The following ATRNL1 variants were observed in gnomAD, a reference collection of about 807,000 sequenced individuals.
The protein encoded by ATRNL1 is attractin like 1.
Under a neutral mutation model 182.7 loss-of-function variants are expected in ATRNL1, and 95 were observed. The observed-to-expected ratio is 0.52, with a 90% CI of 0.44 to 0.62. ATRNL1 has a LOEUF of 0.62. Ranked by LOEUF, ATRNL1 falls within the 20% of genes least tolerant of loss-of-function variation. ATRNL1 has a pLI of 0.00. For missense variants in ATRNL1, 1,471 were observed against 1,679.5 expected, an observed-to-expected ratio of 0.88 and a Z score of 2.17; for synonymous variants, 576 against 568.3, an observed-to-expected ratio of 1.01 and a Z score of -0.19.
intron 19 of ATRNL1, among the ~76,000 whole-genome samples, chr10:115,388,737 T>C (rs1843807058): frequency 1.3e-5 from 2 of 152,058 alleles, no homozygotes; most frequent in Admixed American, 6.6e-5. Context: ...AATTAAAAAA[T>C]AATATTTACA....
At chr10:115,845,321 A>C (rs1174012101) in intron 27 of ATRNL1, among the ~76,000 whole-genome samples, 1 of 152,048 alleles carries the variant, frequency 6.6e-6, no homozygotes, top group East Asian at 1.9e-4. Context: ...TAAGAATGAA[A>C]GAGTAATTTT....
intron 26 of ATRNL1, among the ~76,000 whole-genome samples, chr10:115,646,944 TCCCC>T (rs1174461890): frequency 9.5e-5 from 2 of 21,152 alleles, no homozygotes; most frequent in Admixed American, 9.7e-4. Context: ...CCCTCCCCCC[TCCCC>T]CCCTCCCCCC....
In ATRNL1 at chr10:115,112,785, C is replaced by G. The variant is rs782244623; in HGVS notation, c.294-7400C>G. 7.9e-5 allele frequency among the ~76,000 whole-genome samples: 12 copies of G among 152,196 alleles called. 1 individual carries two copies. Among genetic ancestry groups the G allele is most frequent in the Non-Finnish European group, 1.5e-4 (10 of 68,038 alleles). On this transcript the variant is annotated intron_variant, in intron 1 of 28. Transcript: ENST00000355044. ...TGAGGAAAAAATCATCTTGTTCATT[C>G]TCTAATTGAAGAGGACTGATGTTTG...
At chr10:115,754,864 C>G (rs140130565) in intron 27 of ATRNL1, among the ~76,000 whole-genome samples, 165 of 152,228 alleles carry the variant, frequency 1.1e-3, no homozygotes, top group African/African-American at 3.7e-3. Flanking sequence ...GTTTGTCATT[C>G]TCCTTGAAGA....
chr10:115,325,113 T>C (rs1391497557), intron 18 of ATRNL1, among the ~76,000 whole-genome samples: 1 of 152,348 alleles, frequency 6.6e-6, no homozygotes, highest in Non-Finnish European at 1.5e-5. Context: ...CTTATTTGCA[T>C]ATCAAATGCT....
chr10:115,501,824 T>A (rs920514409), intron 24 of ATRNL1, among the ~76,000 whole-genome samples: 1 of 152,180 alleles, frequency 6.6e-6, no homozygotes, highest in Non-Finnish European at 1.5e-5. Flanking sequence ...ATGCAGTTAA[T>A]TCCTGTTCTG....
intron 27 of ATRNL1, among the ~76,000 whole-genome samples, chr10:115,749,259 T>G (rs1475965727): frequency 1.3e-5 from 2 of 151,932 alleles, no homozygotes; most frequent in East Asian, 1.9e-4. Flanking sequence ...TTATTTTGTT[T>G]TATTTCTTTA....
intron 20 of ATRNL1, among the ~76,000 whole-genome samples, chr10:115,406,298 T>C (rs532301463): frequency 6.6e-6 from 1 of 152,310 alleles, no homozygotes; most frequent in Non-Finnish European, 1.5e-5. Context: ...TTTTCTTTTT[T>C]TGATAATTCC....
chr10:115,656,998 A>T (rs1860373334), intron 26 of ATRNL1, among the ~76,000 whole-genome samples: 1 of 152,220 alleles, frequency 6.6e-6, no homozygotes, highest in African/African-American at 2.4e-5. Flanking sequence ...TTACATAATT[A>T]GAAATATACC....
chr10:115,685,462 A>G (rs187791241), intron 26 of ATRNL1, among the ~76,000 whole-genome samples: 5 of 151,914 alleles, frequency 3.3e-5, no homozygotes, highest in East Asian at 1.9e-4. Flanking sequence ...CAGTTCTGGC[A>G]TATAATAAGT....
Position 115,215,780 on chromosome 10 carries a change from A to G in ATRNL1, c.1432A>G (p.Thr478Ala). Residue 478 changes from threonine (T) to alanine (A), a missense_variant, in exon 9 of 29, where the codon ACA (threonine) becomes GCA (alanine). Around this residue, in one of 3 missense-constraint regions of ATRNL1, gnomAD observed 1,031 missense variants for 1,156.0 expected, o/e 0.89. Coordinates refer to ENST00000355044, the MANE Select transcript of ATRNL1 (RefSeq NM_207303.4). ...YGHTSVYDEI[T>A]KSIYVHGGYK... ...CCATACTAGTGTGTATGATGAAATA[A>G]CAAAGTCCATTTATGTTCATGGAGG... The G allele has an allele frequency of 6.2e-7, 1 of 1,610,112 alleles. No individual in the cohort carries two copies. The highest frequency in any genetic ancestry group is 1.7e-5 in the Admixed American group (1 of 59,204).
At chr10:115,254,798 G>C (rs1200836022) in intron 10 of ATRNL1, among the ~76,000 whole-genome samples, 5 of 152,060 alleles carry the variant, frequency 3.3e-5, no homozygotes, top group Non-Finnish European at 1.5e-5. Flanking sequence ...AATCCATCTT[G>C]AATTAATTTT....
chr10:115,924,567 G>A (rs1333490110), intron 28 of ATRNL1, among the ~76,000 whole-genome samples: 1 of 152,076 alleles, frequency 6.6e-6, no homozygotes, highest in Admixed American at 6.5e-5. Flanking sequence ...GTAGATGTGT[G>A]GCGTTATTTC....
intron 19 of ATRNL1, among the ~76,000 whole-genome samples, chr10:115,364,915 A>C (rs868915640): frequency 3.3e-5 from 5 of 150,966 alleles, no homozygotes. Flanking sequence ...TGCTGGATTC[A>C]GTTTGCCAGT....
At chr10:115,118,181 C>A (rs1044442749) in intron 1 of ATRNL1, among the ~76,000 whole-genome samples, 2 of 151,912 alleles carry the variant, frequency 1.3e-5, no homozygotes, top group Non-Finnish European at 2.9e-5. Flanking sequence ...GTTTCCTTTG[C>A]TGTGCAGAAG....
At chr10:115,415,888 G>A (rs1478395088) in intron 20 of ATRNL1, among the ~76,000 whole-genome samples, 1 of 151,806 alleles carries the variant, frequency 6.6e-6, no homozygotes, top group Non-Finnish European at 1.5e-5. Flanking sequence ...GCCTGTTTCT[G>A]GAATTTCTAT....
At chr10:115,430,227 A>C in intron 21 of ATRNL1, among the ~76,000 whole-genome samples, 1 of 152,138 alleles carries the variant, frequency 6.6e-6, no homozygotes, top group East Asian at 1.9e-4. Context: ...TTTTGGGTCT[A>C]GTGCTTTTTA....
At chr10:115,148,946 C>T (rs1366027697) in intron 5 of ATRNL1, among the ~76,000 whole-genome samples, 13 of 151,964 alleles carry the variant, frequency 8.6e-5, no homozygotes, top group Middle Eastern at 3.4e-3. Context: ...GATGAGGTTT[C>T]GCCATGTTTC....
chr10:115,740,880 G>A (rs1289306536), intron 27 of ATRNL1, among the ~76,000 whole-genome samples: 2 of 151,334 alleles, frequency 1.3e-5, no homozygotes, highest in Admixed American at 6.6e-5. Flanking sequence ...TTATGGAATA[G>A]ACTATCAAGT....
Sources: allele counts gnomAD v4.1 joint callset (sites outside exome capture counted in the v4.1 genomes callset), GRCh38; gene constraint gnomAD v4.1.1; regional missense constraint gnomAD v4.1.1; transcripts MANE v1.5; gene names NCBI Gene and HGNC (gene_info 2026-07-23, HGNC 2026-07-21).